Variants in DGKB observed in about 807,000 individuals in gnomAD.
DGKB encodes 90 kDa diacylglycerol kinase.
In DGKB, 67 loss-of-function variants were observed where a neutral mutation model predicts 114.3. The ratio of observed to expected loss-of-function variants is 0.59; its 90% CI spans 0.48 to 0.72. The LOEUF (loss-of-function observed/expected upper bound fraction) is 0.72. Among genes scored for constraint, DGKB ranks in the 30% least tolerant of loss-of-function variants. The pLI, the probability that DGKB is intolerant of heterozygous loss-of-function variation, is 0.00. For synonymous variants in DGKB, 398 were observed against 323.1 expected, an observed-to-expected ratio of 1.23 and a Z score of -2.49; for missense variants, 907 against 975.2, an observed-to-expected ratio of 0.93 and a Z score of 0.93.
chr7:14,467,547 G>C (rs1780663123), intron 21 of DGKB, among the ~76,000 whole-genome samples: 1 of 151,772 alleles, frequency 6.6e-6, no homozygotes, highest in African/African-American at 2.4e-5. Flanking sequence ...CTGAAGTTTG[G>C]GAACCATGGC....
chr7:14,623,921 C>A (rs997737290), intron 14 of DGKB, among the ~76,000 whole-genome samples: 1 of 152,064 alleles, frequency 6.6e-6, no homozygotes, highest in Non-Finnish European at 1.5e-5. Context: ...AGGGTTTATG[C>A]TTTGGCAAAA....
intron 1 of DGKB, among the ~76,000 whole-genome samples, chr7:14,866,051 A>G (rs1040602276): frequency 3.3e-5 from 5 of 152,220 alleles, no homozygotes; most frequent in Non-Finnish European, 7.3e-5. Flanking sequence ...GGTTACTTCC[A>G]ACACAAGAGT....
chr7:14,802,122 G>A (rs1842254331), intron 2 of DGKB, among the ~76,000 whole-genome samples: 1 of 152,002 alleles, frequency 6.6e-6, no homozygotes, highest in Non-Finnish European at 1.5e-5. Context: ...CTTATTTATA[G>A]TCCTTTTAAA....
chr7:14,920,559 G>A (rs1449402423), intron 1 of DGKB, among the ~76,000 whole-genome samples: 1 of 152,184 alleles, frequency 6.6e-6, no homozygotes, highest in Non-Finnish European at 1.5e-5. Context: ...AATACAAAAT[G>A]TAAATGTGAC....
At chr7:14,966,828 A>G (rs1446840134) in intron 1 of DGKB, among the ~76,000 whole-genome samples, 3 of 152,184 alleles carry the variant, frequency 2.0e-5, no homozygotes, top group Non-Finnish European at 4.4e-5. Flanking sequence ...AAGGGGCTAT[A>G]TATAATTACT....
At chr7:14,941,167 G>C (rs1469800974) in intron 1 of DGKB, among the ~76,000 whole-genome samples, 2 of 151,942 alleles carry the variant, frequency 1.3e-5, no homozygotes, top group Admixed American at 6.6e-5. Context: ...GTAGGGCATG[G>C]ATAGCAGGAA....
At position 14,621,121 on chromosome 7, in the gene DGKB, C is replaced by G. The variant is rs1807557662; in HGVS notation, c.1284+257G>C. On this transcript the variant is annotated intron_variant, in intron 15 of 25. Transcript: ENST00000402815. ...AGTGTGTATATTTAGCAATAATTTT[C>G]AAATCTTTCAAAAGATCTCTTGCCA... The G allele has an allele frequency of 2.6e-5, 9 of 346,774 alleles. No individual in the cohort carries two copies. The South Asian group carries it at 3.5e-4, about 13-fold the overall frequency. The allele number at this position is 346,774 out of a possible 1,614,324, so 21.5% of individuals were successfully genotyped here.
intron 23 of DGKB, among the ~76,000 whole-genome samples, chr7:14,308,307 T>C (rs1752532881): frequency 6.6e-6 from 1 of 152,076 alleles, no homozygotes; most frequent in Admixed American, 6.6e-5. Context: ...TATTTATCCT[T>C]ATGCAATGAA....
At chr7:14,799,139 G>T (rs1841806878) in intron 2 of DGKB, among the ~76,000 whole-genome samples, 1 of 152,178 alleles carries the variant, frequency 6.6e-6, no homozygotes, top group Admixed American at 6.5e-5. Flanking sequence ...ATCGGTACCA[G>T]ATGTGGTTTT....
At chr7:14,323,249 T>A (rs1162659645) in intron 23 of DGKB, among the ~76,000 whole-genome samples, 1 of 152,150 alleles carries the variant, frequency 6.6e-6, no homozygotes, top group East Asian at 1.9e-4. Flanking sequence ...AAACATTTAT[T>A]CATGGTGAAA....
intron 1 of DGKB, among the ~76,000 whole-genome samples, chr7:14,855,614 A>G (rs1294462340): frequency 6.6e-6 from 1 of 152,058 alleles, no homozygotes; most frequent in Non-Finnish European, 1.5e-5. Flanking sequence ...TTGCCTTCCT[A>G]GGTTATAGGT....
At chr7:14,962,374 C>T (rs1289796321) in intron 1 of DGKB, among the ~76,000 whole-genome samples, 2 of 152,086 alleles carry the variant, frequency 1.3e-5, no homozygotes, top group Non-Finnish European at 2.9e-5. Context: ...ATAGCAACAA[C>T]ATAAGCATTG....
Position 14,338,528 on chromosome 7 carries a change from C to T in DGKB, c.2109G>A (p.Lys703=). The T allele has an allele frequency of 6.4e-7, 1 of 1,572,188 alleles. No individual in the cohort carries two copies. Among genetic ancestry groups the T allele is most frequent in the South Asian group, 1.2e-5 (1 of 83,580 alleles). The change falls in exon 23 of 26, where the codon AAG becomes AAA. Residue 703 remains lysine (K), a synonymous_variant. Transcript: ENST00000402815. ...RTTVTDAKEL[K]FASQDLSDQL... Reference sequence around the variant, plus strand: ...TAGAAAACTGACCTTGACTTGCAAACTTCAACTCTTTGGCATCTGTGACGG... The same window carrying T: ...TAGAAAACTGACCTTGACTTGCAAATTTCAACTCTTTGGCATCTGTGACGG...
At chr7:14,908,014 T>C (rs74820360), upstream of DGKB, among the ~76,000 whole-genome samples, 1 of 152,200 alleles carries the variant, frequency 6.6e-6, no homozygotes, top group Non-Finnish European at 1.5e-5. Flanking sequence ...TGAAGTTTTA[T>C]GTGGAAAATT....
chr7:14,883,720 G>A (rs1241976473), intron 1 of DGKB, among the ~76,000 whole-genome samples: 2 of 151,824 alleles, frequency 1.3e-5, no homozygotes, highest in African/African-American at 4.8e-5. Context: ...AGGCTTAATT[G>A]GCATTTTGCA....
At chr7:14,585,518 T>A (rs551771548) in intron 17 of DGKB, among the ~76,000 whole-genome samples, 13 of 152,324 alleles carry the variant, frequency 8.5e-5, no homozygotes, top group African/African-American at 3.1e-4. Context: ...TCTTTCTACT[T>A]CTACTGCTGT....
At chr7:14,319,132 T>G in intron 23 of DGKB, among the ~76,000 whole-genome samples, 1 of 122,874 alleles carries the variant, frequency 8.1e-6, no homozygotes, top group Admixed American at 9.0e-5. Context: ...CTCTGGGGAC[T>G]GTTGTGGGGT....
At chr7:14,663,594 T>C (rs1423394723) in intron 13 of DGKB, among the ~76,000 whole-genome samples, 1 of 150,238 alleles carries the variant, frequency 6.7e-6, no homozygotes, top group East Asian at 2.0e-4. Context: ...TCTTTCCTTC[T>C]CTTCTTTCTT....
chr7:14,801,191 G>T (rs1033867600), intron 2 of DGKB, among the ~76,000 whole-genome samples: 1 of 152,170 alleles, frequency 6.6e-6, no homozygotes, highest in Non-Finnish European at 1.5e-5. Flanking sequence ...CCAAGGAGAA[G>T]AGTAGACATC....
Sources: gnomAD v4.1 joint callset for allele counts (sites outside exome capture counted in the v4.1 genomes callset) on GRCh38, gnomAD v4.1.1 for gene constraint, MANE v1.5 for transcripts, NCBI Gene and HGNC (gene_info 2026-07-23, HGNC 2026-07-21) for gene names.